SPINK9: variants seen among roughly 807,000 people sequenced by gnomAD.
SPINK9 encodes serine peptidase inhibitor Kazal type 9, also known as serine protease inhibitor Kazal-type 9.
A neutral mutation model predicts 10.8 loss-of-function variants in SPINK9; 3 were observed. That is an observed-to-expected ratio of 0.28 (90% confidence interval 0.13 to 0.72). The LOEUF is 0.72. Ranked by LOEUF, SPINK9 falls within the 30% of genes least tolerant of loss-of-function variation. The pLI, the probability that SPINK9 is intolerant of heterozygous loss-of-function variation, is 0.74. For missense variants in SPINK9, 101 were observed against 103.2 expected, an observed-to-expected ratio of 0.98 and a Z score of 0.09; for synonymous variants, 30 against 31.2, an observed-to-expected ratio of 0.96 and a Z score of 0.12.
At chr5:148,326,651 C>T (rs1757064253) in intron 2 of SPINK9, among the ~76,000 whole-genome samples, 2 of 152,150 alleles carry the variant, frequency 1.3e-5, no homozygotes, top group East Asian at 1.9e-4. Flanking sequence ...TCTCCTAATG[C>T]TATCCCTCCC....
intron 2 of SPINK9, among the ~76,000 whole-genome samples, chr5:148,328,508 T>G (rs940723459): frequency 1.3e-5 from 2 of 152,208 alleles, no homozygotes; most frequent in African/African-American, 4.8e-5. Flanking sequence ...TTATCCTGCC[T>G]GATTGCCCTG....
chr5:148,333,638 A>T (rs1175460421), upstream of SPINK9, among the ~76,000 whole-genome samples: 10 of 152,224 alleles, frequency 6.6e-5, no homozygotes, highest in Non-Finnish European at 1.5e-4. Context: ...TGGTAAACTG[A>T]CATGGCATAC....
rs187454091 is a variant in SPINK9 at position 148,335,920 on chromosome 5, C to T, written c.55+252C>T. Among the ~76,000 whole-genome samples the T allele has an allele frequency of 2.1e-3, 318 of 152,272 alleles. 1 individual carries two copies. Among genetic ancestry groups the T allele is most frequent in the South Asian group, 0.017 (80 of 4,828 alleles). Reference sequence around the variant, plus strand: ...TATAATTTTTTAGGGAGAGGATCATCCAGACTCTGCTTTGACTTGATGTCA... The same window carrying T: ...TATAATTTTTTAGGGAGAGGATCATTCAGACTCTGCTTTGACTTGATGTCA... On this transcript the variant is annotated intron_variant, in intron 1 of 3. Coordinates refer to ENST00000377906, the MANE Select transcript of SPINK9 (RefSeq NM_001040433.2).
rs1561768839 is a variant in SPINK9 at position 148,336,419 on chromosome 5, C to T, written c.56-3C>T. 1.9e-6 allele frequency: 3 copies of T among 1,613,264 alleles called. No individual in the cohort carries two copies. The highest frequency in any genetic ancestry group is 1.7e-6 in the Non-Finnish European group (2 of 1,179,518). On this transcript the variant is annotated splice_region_variant and splice_polypyrimidine_tract_variant and intron_variant, in intron 1 of 3. Transcript: ENST00000377906. ...TATTGCCTTGTCTTTGTTTTTCTTC[C>T]AGGTATAGAATGTGCCAAACAGACG...
intron 2 of SPINK9, among the ~76,000 whole-genome samples, chr5:148,325,830 G>C (rs967664298): frequency 4.6e-5 from 7 of 151,932 alleles, no homozygotes; most frequent in Non-Finnish European, 1.5e-5. Context: ...TTTACACTTT[G>C]GGTTTTTTCT....
intron 1 of SPINK9, among the ~76,000 whole-genome samples, chr5:148,323,110 A>G (rs1177593514): frequency 6.6e-6 from 1 of 152,232 alleles, no homozygotes; most frequent in Non-Finnish European, 1.5e-5. Context: ...GAAATATAAA[A>G]GTAAAAATAG....
chr5:148,333,603 T>C (rs959009235), upstream of SPINK9, among the ~76,000 whole-genome samples: 1 of 152,168 alleles, frequency 6.6e-6, no homozygotes, highest in Non-Finnish European at 1.5e-5. Context: ...AAAGGGGCAG[T>C]AATGTCTGGG....
At chr5:148,335,521 C>T, upstream of SPINK9, 6 of 1,154,614 alleles carry the variant, frequency 5.2e-6, no homozygotes. Flanking sequence ...GGCAGGAATT[C>T]TTGAAAATAT....
intron 2 of SPINK9, among the ~76,000 whole-genome samples, chr5:148,329,870 C>T (rs140991566): frequency 0.023 from 3,550 of 152,210 alleles, 155 homozygotes; most frequent in East Asian, 0.17. Context: ...GTCTGAGAGA[C>T]AGTTTGTTAT....
exon 2 of SPINK9, chr5:148,323,784 C>T (rs1221994098): frequency 1.4e-6 from 1 of 700,814 alleles, no homozygotes. Flanking sequence ...TCATTGTTTT[C>T]ATTATAAAAC....
upstream of SPINK9, among the ~76,000 whole-genome samples, chr5:148,332,941 ATT>A: frequency 6.6e-6 from 1 of 151,850 alleles, no homozygotes; most frequent in East Asian, 1.9e-4. Context: ...TTATACAGTA[ATT>A]TTTTTTTAAT....
chr5:148,339,761 G>A lies in SPINK9; in HGVS notation c.*49G>A, dbSNP rs766305608. On this transcript the variant is annotated 3_prime_UTR_variant, in exon 4 of 4. Transcript: ENST00000377906. ...TCTTTTAATGCATCTATTCACAAGAGTCACATTTCTGTTCCCATATTATCT... is the reference window on the plus strand; with the variant it reads ...TCTTTTAATGCATCTATTCACAAGAATCACATTTCTGTTCCCATATTATCT... 1 of 1,481,394 alleles carries A rather than the reference G, an allele frequency of 6.8e-7. No individual in the cohort carries two copies. The highest frequency in any genetic ancestry group is 1.1e-5 in the South Asian group (1 of 88,014). The allele number at this position is 1,481,394 out of a possible 1,614,324, so 91.8% of individuals were successfully genotyped here.
chr5:148,334,591 A>C (rs563597438), upstream of SPINK9, among the ~76,000 whole-genome samples: 1 of 152,150 alleles, frequency 6.6e-6, no homozygotes, highest in African/African-American at 2.4e-5. Flanking sequence ...TGCTCCTGTA[A>C]TCCCAGCTAC....
intron 2 of SPINK9, among the ~76,000 whole-genome samples, chr5:148,324,479 C>T (rs1220455301): frequency 6.6e-6 from 1 of 152,004 alleles, no homozygotes; most frequent in Admixed American, 6.6e-5. Flanking sequence ...AAATCAACAT[C>T]ATATATACTG....
In SPINK9 at chr5:148,322,193, G is replaced by A. The variant is rs995622452; in HGVS notation, c.-73+793G>A. Among the ~76,000 whole-genome samples the A allele has an allele frequency of 1.4e-4, 22 of 152,236 alleles. No individual in the cohort carries two copies. In the South Asian group the frequency reaches 4.4e-3, roughly 30 times the overall value. ...GTACATGAAAGCTTGCAGGTAAATT[G>A]TAATAGATATATTGATATGACACAG... is the stretch of plus-strand genomic sequence containing the variant. On this transcript the variant is annotated intron_variant, in intron 1 of 4. Coordinates refer to the SPINK9 transcript ENST00000511717.
In SPINK9 at chr5:148,339,812, T is replaced by C. The variant is rs985871926; in HGVS notation, c.*100T>C. ...ATGCCACATTGCCTACTCATCACCA[T>C]ATGTAGATTTCTTTGTAGAATAAAG... On this transcript the variant is annotated 3_prime_UTR_variant, in exon 4 of 4. Coordinates refer to ENST00000377906, the MANE Select transcript of SPINK9 (RefSeq NM_001040433.2). The C allele has an allele frequency of 3.0e-5, 28 of 931,404 alleles. No homozygotes were observed. The highest frequency in any genetic ancestry group is 4.4e-5 in the Non-Finnish European group (26 of 594,718). The allele number at this position is 931,404 out of a possible 1,614,324, so 57.7% of individuals were successfully genotyped here. A position where few individuals can be genotyped will look rare whatever the true frequency, so the allele number is the denominator to read the frequency against.
At chr5:148,336,387 A>G in intron 1 of SPINK9, 35 bp from the exon 2 acceptor site, 1 of 1,609,258 alleles carries the variant, frequency 6.2e-7, no homozygotes, top group Non-Finnish European at 8.5e-7. Flanking sequence ...GTTCTTCCAG[A>G]GTTTAATATT....
chr5:148,323,805 A>C (rs1158494130), exon 2 of SPINK9: 6 of 701,530 alleles, frequency 8.6e-6, no homozygotes, highest in Non-Finnish European at 1.6e-5. Flanking sequence ...TCCACCAAGC[A>C]GCTCAGGAGA....
chr5:148,338,380 C>T (rs1432209597), intron 2 of SPINK9, 98 bp from the exon 3 acceptor site: 6 of 1,040,456 alleles, frequency 5.8e-6, no homozygotes, highest in Middle Eastern at 2.2e-4. Context: ...TAATAAGAAA[C>T]ATGCATTGAG....
Sources: allele counts gnomAD v4.1 joint callset (sites outside exome capture counted in the v4.1 genomes callset), GRCh38; gene constraint gnomAD v4.1.1; transcripts MANE v1.5; gene names NCBI Gene and HGNC (gene_info 2026-07-23, HGNC 2026-07-21).